Variants in DLGAP1 observed in about 807,000 individuals in gnomAD.
The protein encoded by DLGAP1 is disks large-associated protein 1.
In DLGAP1, 11 loss-of-function variants were observed where a neutral mutation model predicts 90.8. That is an observed-to-expected ratio of 0.12 (90% CI 0.08 to 0.20). The LOEUF is 0.20. DLGAP1 is among the 10% of genes least tolerant of loss of function. DLGAP1 has a pLI of 1.00. For missense variants in DLGAP1, 1,050 were observed against 1,333.8 expected, an observed-to-expected ratio of 0.79 and a Z score of 3.31; for synonymous variants, 558 against 540.7, an observed-to-expected ratio of 1.03 and a Z score of -0.44.
At chr18:4,278,992 G>A (rs1185196723) in intron 1 of DLGAP1, among the ~76,000 whole-genome samples, 1 of 152,184 alleles carries the variant, frequency 6.6e-6, no homozygotes, top group Non-Finnish European at 1.5e-5. Context: ...GACCTTGGAG[G>A]CAGTTGTGAA....
At chr18:3,953,281 C>A (rs990056876) in intron 3 of DLGAP1, among the ~76,000 whole-genome samples, 1 of 152,142 alleles carries the variant, frequency 6.6e-6, no homozygotes, top group African/African-American at 2.4e-5. Flanking sequence ...ACCCATCACC[C>A]AAATAGTGAC....
chr18:4,270,899 C>T (rs2079263477), intron 1 of DLGAP1, among the ~76,000 whole-genome samples: 1 of 152,164 alleles, frequency 6.6e-6, no homozygotes, highest in Admixed American at 6.5e-5. Flanking sequence ...TCCTTAATCA[C>T]TATGTCCTTT....
intron 3 of DLGAP1, among the ~76,000 whole-genome samples, chr18:3,909,852 T>C (rs1180039530): frequency 6.6e-6 from 1 of 152,136 alleles, no homozygotes; most frequent in African/African-American, 2.4e-5. Flanking sequence ...TACATAATTT[T>C]CTCTTGCCTA....
rs188703719 is a variant in DLGAP1 at position 4,030,180 on chromosome 18, A to T, written c.-158-24979T>A. ...GTTAATTTTTGTATTTTTAGTAGAG[A>T]TGGGGTTTCACCATGTTGGTCAGGC... On this transcript the variant is annotated intron_variant, in intron 2 of 12. Transcript: ENST00000315677. Among the ~76,000 whole-genome samples, 6 of 152,248 alleles carry T rather than the reference A, an allele frequency of 3.9e-5. No individual in the cohort carries two copies. The East Asian group carries it at 1.2e-3, about 29-fold the overall frequency.
intron 2 of DLGAP1, among the ~76,000 whole-genome samples, chr18:4,030,891 C>G (rs2074785381): frequency 6.6e-6 from 1 of 152,184 alleles, no homozygotes. Flanking sequence ...CCACTGCACT[C>G]CAGCCTGGGT....
chr18:3,804,248 G>A (rs2066463004), intron 5 of DLGAP1, among the ~76,000 whole-genome samples: 1 of 152,228 alleles, frequency 6.6e-6, no homozygotes, highest in African/African-American at 2.4e-5. Flanking sequence ...GCCTCCCAAA[G>A]TGCTGGGATT....
At chr18:4,301,160 T>G (rs1287339265) in intron 1 of DLGAP1, among the ~76,000 whole-genome samples, 2 of 152,186 alleles carry the variant, frequency 1.3e-5, no homozygotes, top group South Asian at 4.1e-4. Context: ...TCCTTAGTGA[T>G]TTTGAAATGT....
intron 3 of DLGAP1, among the ~76,000 whole-genome samples, chr18:3,994,315 T>C (rs1401030292): frequency 1.3e-5 from 2 of 152,168 alleles, no homozygotes; most frequent in African/African-American, 4.8e-5. Flanking sequence ...GGGGACCCCG[T>C]TCCTTCCCTT....
At chr18:4,178,523 T>C (rs907382748) in intron 1 of DLGAP1, among the ~76,000 whole-genome samples, 3 of 152,196 alleles carry the variant, frequency 2.0e-5, no homozygotes, top group African/African-American at 4.8e-5. Flanking sequence ...TCATAGTGAC[T>C]AGTATGGTGC....
intron 1 of DLGAP1, among the ~76,000 whole-genome samples, chr18:4,233,643 C>T (rs1371563371): frequency 6.6e-6 from 1 of 152,066 alleles, no homozygotes; most frequent in Admixed American, 6.6e-5. Context: ...TAAGTTTGGC[C>T]AACACTCAAA....
At chr18:3,688,085 TG>T (rs1258679231) in intron 7 of DLGAP1, among the ~76,000 whole-genome samples, 4 of 151,980 alleles carry the variant, frequency 2.6e-5, no homozygotes, top group Non-Finnish European at 5.9e-5. Flanking sequence ...TTTTGTATTT[TG>T]TTTTAGTAGA....
At chr18:4,442,812 G>A (rs769400056) in intron 1 of DLGAP1, among the ~76,000 whole-genome samples, 22 of 152,214 alleles carry the variant, frequency 1.4e-4, no homozygotes, top group Admixed American at 1.0e-3. Flanking sequence ...TAAAAGAAAC[G>A]CATTATGTTT....
chr18:3,686,710 C>T (rs764922386), intron 7 of DLGAP1, among the ~76,000 whole-genome samples: 2 of 152,116 alleles, frequency 1.3e-5, no homozygotes, highest in Admixed American at 6.6e-5. Context: ...AGGGTGCATA[C>T]CACATGCCCT....
At chr18:3,514,793 T>C (rs2050734672) in intron 10 of DLGAP1, among the ~76,000 whole-genome samples, 1 of 152,234 alleles carries the variant, frequency 6.6e-6, no homozygotes, top group African/African-American at 2.4e-5. Context: ...CAAGTCATAA[T>C]CTTCTTGCGG....
At position 3,928,157 on chromosome 18, in the gene DLGAP1, C is replaced by A. The variant is rs146118149; in HGVS notation, c.-72-48017G>T. Reference sequence around the variant, plus strand: ...GTATTCTGTCTGCACTTGTATCTATCTGCATTTGTATCCAGAGCAGCATCT... The same window carrying A: ...GTATTCTGTCTGCACTTGTATCTATATGCATTTGTATCCAGAGCAGCATCT... On this transcript the variant is annotated intron_variant, in intron 3 of 12. Transcript: ENST00000315677. Among the ~76,000 whole-genome samples the A allele has an allele frequency of 2.0e-5, 3 of 152,308 alleles. No homozygotes were observed. The East Asian group carries it at 5.8e-4, about 29-fold the overall frequency.
chr18:4,381,353 G>A (rs1291621222), intron 1 of DLGAP1, among the ~76,000 whole-genome samples: 3 of 152,088 alleles, frequency 2.0e-5, no homozygotes, highest in Non-Finnish European at 4.4e-5. Context: ...TAAGCAGAAT[G>A]ATGCCCAATT....
At chr18:4,200,772 T>C (rs1031961854) in intron 1 of DLGAP1, among the ~76,000 whole-genome samples, 28 of 152,114 alleles carry the variant, frequency 1.8e-4, no homozygotes, top group Admixed American at 7.9e-4. Context: ...ATTTAGTATA[T>C]GCTAAAACTA....
At chr18:3,772,241 CCTT>C (rs1302381152) in intron 5 of DLGAP1, among the ~76,000 whole-genome samples, 1 of 148,356 alleles carries the variant, frequency 6.7e-6, no homozygotes, top group Admixed American at 6.8e-5. Flanking sequence ...TTCTCTCCTT[CCTT>C]CTTTCCTTCC....
At chr18:4,370,058 G>A (rs778878745) in intron 1 of DLGAP1, among the ~76,000 whole-genome samples, 1 of 152,092 alleles carries the variant, frequency 6.6e-6, no homozygotes. Context: ...TAGACTGGAA[G>A]AGAAAAAAGG....
Sources: allele counts gnomAD v4.1 joint callset (sites outside exome capture counted in the v4.1 genomes callset), GRCh38; gene constraint gnomAD v4.1.1; transcripts MANE v1.5; gene names NCBI Gene and HGNC (gene_info 2026-07-23, HGNC 2026-07-21).